Variants in LAMA2 observed in about 807,000 individuals in gnomAD.
The protein encoded by LAMA2 is laminin subunit alpha 2.
Under a neutral mutation model 364.8 loss-of-function variants are expected in LAMA2, and 269 were observed. The observed-to-expected ratio is 0.74, with a 90% confidence interval of 0.67 to 0.82. The LOEUF (loss-of-function observed/expected upper bound fraction) is 0.82. LAMA2 is among the 40% of genes least tolerant of loss of function. The pLI, the probability that LAMA2 is intolerant of heterozygous loss-of-function variation, is 0.00. For synonymous variants in LAMA2, 1,379 were observed against 1,370.6 expected (o/e 1.01, Z -0.14); for missense variants, 3,807 against 3,873.2 (o/e 0.98, Z 0.45).
intron 1 of LAMA2, among the ~76,000 whole-genome samples, chr6:128,997,523 G>A (rs1414078939): frequency 6.6e-6 from 1 of 152,188 alleles, no homozygotes; most frequent in African/African-American, 2.4e-5. Context: ...GGCCAGGCAT[G>A]GTGGCTCACA....
chr6:128,917,526 A>G (rs1778399109), intron 1 of LAMA2, among the ~76,000 whole-genome samples: 1 of 152,192 alleles, frequency 6.6e-6, no homozygotes, highest in Non-Finnish European at 1.5e-5. Context: ...TGTTACAGTT[A>G]GTCCTTAGGT....
At chr6:128,995,881 C>A (rs1436725684) in intron 1 of LAMA2, among the ~76,000 whole-genome samples, 1 of 152,082 alleles carries the variant, frequency 6.6e-6, no homozygotes, top group Non-Finnish European at 1.5e-5. Flanking sequence ...AAGTACTGAA[C>A]TTTTTTCTTT....
intron 4 of LAMA2, among the ~76,000 whole-genome samples, chr6:129,117,339 A>G (rs1206639889): frequency 6.6e-6 from 1 of 152,180 alleles, no homozygotes; most frequent in Non-Finnish European, 1.5e-5. Context: ...TTTTTTACTC[A>G]ATGATGATTC....
At chr6:129,231,604 G>A (rs1784673067) in intron 12 of LAMA2, among the ~76,000 whole-genome samples, 2 of 152,004 alleles carry the variant, frequency 1.3e-5, no homozygotes, top group Non-Finnish European at 2.9e-5. Flanking sequence ...ATTGTTCTAG[G>A]CTGCTAAGGC....
At chr6:129,380,594 G>A (rs1448462995) in intron 34 of LAMA2, among the ~76,000 whole-genome samples, 1 of 152,134 alleles carries the variant, frequency 6.6e-6, no homozygotes, top group Non-Finnish European at 1.5e-5. Context: ...CCACGCTAAG[G>A]AGAAGCACTT....
At chr6:129,014,241 C>T (rs1450508393) in intron 1 of LAMA2, among the ~76,000 whole-genome samples, 2 of 152,162 alleles carry the variant, frequency 1.3e-5, no homozygotes, top group Non-Finnish European at 2.9e-5. Flanking sequence ...ATGTAAGTCT[C>T]ATCTGTATGC....
At chr6:129,495,559 A>G (rs1785122293) in intron 58 of LAMA2, among the ~76,000 whole-genome samples, 2 of 152,152 alleles carry the variant, frequency 1.3e-5, no homozygotes, top group Admixed American at 1.3e-4. Flanking sequence ...ATCGGGTACC[A>G]TATTCAATCA....
At chr6:129,403,308 G>A (rs1780077025) in intron 39 of LAMA2, among the ~76,000 whole-genome samples, 1 of 152,154 alleles carries the variant, frequency 6.6e-6, no homozygotes, top group African/African-American at 2.4e-5. Flanking sequence ...AAGGGTGGGT[G>A]GCAGATGAAA....
chr6:129,031,767 C>T (rs1786242318), intron 1 of LAMA2, among the ~76,000 whole-genome samples: 2 of 152,000 alleles, frequency 1.3e-5, no homozygotes, highest in East Asian at 1.9e-4. Context: ...GAAAGTTTGC[C>T]ATGTCTCCAG....
At chr6:129,301,366 T>C (rs374295634) in intron 22 of LAMA2, among the ~76,000 whole-genome samples, 1 of 152,142 alleles carries the variant, frequency 6.6e-6, no homozygotes. Flanking sequence ...GCCAGAGTCA[T>C]GTTCAGAGAG....
chr6:129,142,485 A>C (rs995911629), intron 4 of LAMA2, among the ~76,000 whole-genome samples: 1 of 151,950 alleles, frequency 6.6e-6, no homozygotes, highest in Non-Finnish European at 1.5e-5. Flanking sequence ...CTTGCCCCCA[A>C]ATATCATCAC....
At chr6:129,152,716 C>T (rs1778880869) in intron 7 of LAMA2, among the ~76,000 whole-genome samples, 1 of 152,164 alleles carries the variant, frequency 6.6e-6, no homozygotes, top group African/African-American at 2.4e-5. Flanking sequence ...CCTCCCTCCA[C>T]CCGGCATCCT....
chr6:129,101,621 A>G (rs1323657917), intron 4 of LAMA2, among the ~76,000 whole-genome samples: 5 of 152,214 alleles, frequency 3.3e-5, no homozygotes, highest in African/African-American at 1.2e-4. Context: ...GTTAATCAAA[A>G]TTAAATTAAA....
chr6:129,234,307 C>G (rs1784852302), intron 12 of LAMA2, among the ~76,000 whole-genome samples: 3 of 152,060 alleles, frequency 2.0e-5, no homozygotes, highest in Middle Eastern at 3.2e-3. Flanking sequence ...CTACATAATA[C>G]CACACATAGA....
chr6:129,191,195 A>G (rs540733414), intron 11 of LAMA2, among the ~76,000 whole-genome samples: 7 of 152,308 alleles, frequency 4.6e-5, no homozygotes, highest in Admixed American at 3.3e-4. Context: ...TAAGCTAAAG[A>G]CTGACATTAT....
chr6:129,069,698 T>C (rs1773177536), intron 3 of LAMA2, among the ~76,000 whole-genome samples: 1 of 148,432 alleles, frequency 6.7e-6, no homozygotes, highest in African/African-American at 2.4e-5. Context: ...AATAATGTGT[T>C]AGTACATAGA....
intron 9 of LAMA2, among the ~76,000 whole-genome samples, chr6:129,166,110 T>C (rs1459703716): frequency 9.9e-5 from 15 of 152,154 alleles, no homozygotes; most frequent in Non-Finnish European, 2.9e-5. Flanking sequence ...CACACTGAGA[T>C]GTAGGCAATA....
intron 12 of LAMA2, among the ~76,000 whole-genome samples, chr6:129,223,813 C>G (rs944638781): frequency 6.6e-6 from 1 of 152,086 alleles, no homozygotes; most frequent in South Asian, 2.1e-4. Context: ...TTAGGATTGA[C>G]TTGGGAATGT....
chr6:129,106,228 T>C (rs1389305059), intron 4 of LAMA2, among the ~76,000 whole-genome samples: 1 of 152,052 alleles, frequency 6.6e-6, no homozygotes, highest in Non-Finnish European at 1.5e-5. Context: ...ATTTTATATA[T>C]ACAGACAGAA....
Sources: allele counts gnomAD v4.1 joint callset (sites outside exome capture counted in the v4.1 genomes callset), GRCh38; gene constraint gnomAD v4.1.1; transcripts MANE v1.5; gene names NCBI Gene and HGNC (gene_info 2026-07-23, HGNC 2026-07-21).